RHOBTB2: variants seen among roughly 807,000 people sequenced by gnomAD.
The protein encoded by RHOBTB2 is Rho related BTB domain containing 2, also known as rho-related BTB domain-containing protein 2.
Under a neutral mutation model 66.5 loss-of-function variants are expected in RHOBTB2, and 39 were observed. The ratio of observed to expected loss-of-function variants is 0.59; its 90% CI spans 0.45 to 0.77. The LOEUF is 0.77. Among genes scored for constraint, RHOBTB2 ranks in the 30% least tolerant of loss-of-function variants. The pLI is 0.00. For synonymous variants in RHOBTB2, 390 were observed against 395.0 expected (o/e 0.99, Z 0.15); for missense variants, 755 against 999.1 (o/e 0.76, Z 3.29).
chr8:22,999,176 G>T (rs973768909), upstream of RHOBTB2: 1 of 150,034 alleles, frequency 6.7e-6, no homozygotes, highest in Admixed American at 6.6e-5. Flanking sequence ...GACTGCCCCT[G>T]CCGTCGCCTC....
At chr8:22,994,851 T>C (rs144245862), upstream of RHOBTB2, among the ~76,000 whole-genome samples, 1,174 of 152,302 alleles carry the variant, frequency 7.7e-3, 3 homozygotes, top group Non-Finnish European at 0.014. Context: ...CTGCAACCTC[T>C]GCCTCCCAGG....
Position 23,018,896 on chromosome 8 carries a change from G to C in RHOBTB2, c.*1427G>C, listed in dbSNP as rs1701655055. ...GGAGAATGGAGCAGGAGGAAAAGCA[G>C]AGTTGGTCTAGAGAGGAGGAGGGCG... On this transcript the variant is annotated 3_prime_UTR_variant, in exon 10 of 10. Coordinates refer to ENST00000251822, the MANE Select transcript of RHOBTB2 (RefSeq NM_015178.3). 6.5e-6 allele frequency: 1 copy of C among 153,136 alleles called. No homozygotes were observed. The highest frequency in any genetic ancestry group is 6.5e-5 in the Admixed American group (1 of 15,290). 9.5% of individuals were successfully genotyped at this position (153,136 alleles called of 1,614,324 possible). A position where few individuals can be genotyped will look rare whatever the true frequency, so the allele number is the denominator to read the frequency against.
chr8:22,978,419 G>A, the RHOBTB2 span, among the ~76,000 whole-genome samples: 1 of 150,490 alleles, frequency 6.6e-6, no homozygotes, highest in South Asian at 2.1e-4. Flanking sequence ...CCCGGGAGGT[G>A]GAGCTTGCAG....
the RHOBTB2 span, among the ~76,000 whole-genome samples, chr8:22,970,950 C>T: frequency 0.19 from 28,981 of 152,090 alleles, 4,588 homozygotes; most frequent in African/African-American, 0.44. Context: ...GTAATCATTA[C>T]AAACCTTCTG....
the RHOBTB2 span, among the ~76,000 whole-genome samples, chr8:22,963,221 A>T: frequency 1.6e-4 from 25 of 152,244 alleles, no homozygotes; most frequent in Non-Finnish European, 2.9e-4. Context: ...AAGAGGGGAA[A>T]GGGAGACAAC....
At position 23,004,274 on chromosome 8, in the gene RHOBTB2, T is replaced by A; in HGVS notation, c.-10-151T>A. 1 of 685,524 alleles carries A rather than the reference T, an allele frequency of 1.5e-6. No homozygotes were observed. Among genetic ancestry groups the A allele is most frequent in the Non-Finnish European group, 2.6e-6 (1 of 388,848 alleles). 42.5% of individuals were successfully genotyped at this position (685,524 alleles called of 1,614,324 possible). ...GCCCCTTGGACCCTCGCAGAGCTCT[T>A]GCCCAGAACGTTGCCCACTCCTTCC... is the stretch of plus-strand genomic sequence containing the variant. On this transcript the variant is annotated intron_variant, in intron 1 of 9. Coordinates refer to ENST00000251822, the MANE Select transcript of RHOBTB2 (RefSeq NM_015178.3). This position sits in a 1 kb window ranked among gnomAD's most constrained non-coding sequence, Gnocchi z 6.4.
chr8:22,984,202 A>C (rs1422197941), upstream of RHOBTB2, among the ~76,000 whole-genome samples: 1 of 152,172 alleles, frequency 6.6e-6, no homozygotes, highest in Non-Finnish European at 1.5e-5. Context: ...AGCCAACCTA[A>C]ACAGTATATA....
chr8:22,985,512 G>A (rs752408260), upstream of RHOBTB2, among the ~76,000 whole-genome samples: 2 of 152,170 alleles, frequency 1.3e-5, no homozygotes, highest in Non-Finnish European at 2.9e-5. Flanking sequence ...AGCAGGTCTC[G>A]CTCTGAGCAT....
chr8:22,986,715 A>G (rs1231163647), upstream of RHOBTB2, among the ~76,000 whole-genome samples: 1 of 152,210 alleles, frequency 6.6e-6, no homozygotes, highest in Non-Finnish European at 1.5e-5. Context: ...AAAGGTCCTT[A>G]GCATCCCAAA....
chr8:23,007,812 C>T lies in RHOBTB2; in HGVS notation c.1501+66C>T, dbSNP rs1811019925. The T allele has an allele frequency of 2.5e-6, 4 of 1,570,880 alleles. No homozygotes were observed. In the South Asian group the frequency reaches 3.4e-5, roughly 13 times the overall value. ...TGCTATTAGCATTGCCTGTCTGTCT[C>T]AGCTCCTGGTGTCCTGGAGCTGCGG... On this transcript the variant is annotated intron_variant, in intron 5 of 9. Coordinates refer to ENST00000251822, the MANE Select transcript of RHOBTB2 (RefSeq NM_015178.3).
intron 1 of RHOBTB2, among the ~76,000 whole-genome samples, chr8:23,002,844 GTCTCATTGA>G (rs1468826599): frequency 6.6e-6 from 1 of 152,232 alleles, no homozygotes; most frequent in Non-Finnish European, 1.5e-5. Context: ...GGAGGAGGTT[GTCTCATTGA>G]GAAGTCCTTG....
At chr8:22,975,612 C>A in the RHOBTB2 span, among the ~76,000 whole-genome samples, 1 of 152,186 alleles carries the variant, frequency 6.6e-6, no homozygotes, top group Non-Finnish European at 1.5e-5. Flanking sequence ...GGTGTCAAAC[C>A]TGACGGATGG....
In RHOBTB2 at chr8:23,005,971, T is replaced by G. The variant is rs1810936467; in HGVS notation, c.308T>G (p.Val103Gly). 1 of 1,612,298 alleles carries G rather than the reference T, an allele frequency of 6.2e-7. No homozygotes were observed. Among genetic ancestry groups the G allele is most frequent in the African/African-American group, 1.3e-5 (1 of 74,984 alleles). ...RRFAYGRSDV[V>G]VLCFSIANPN... ...TTTCCCACCCGCAGATCTGATGTGG[T>G]GGTTCTGTGCTTCTCCATTGCCAAC... Residue 103 changes from valine to glycine, a missense_variant, in exon 4 of 10, where the codon GTG becomes GGG. By Grantham distance (109) the Val-to-Gly change is moderately radical. Around this residue, in one of 7 missense-constraint regions of RHOBTB2, gnomAD observed 65 missense variants for 152.4 expected, o/e 0.43. Coordinates refer to ENST00000251822, the MANE Select transcript of RHOBTB2 (RefSeq NM_015178.3).
At chr8:22,958,465 T>G in the RHOBTB2 span, among the ~76,000 whole-genome samples, 1 of 151,960 alleles carries the variant, frequency 6.6e-6, no homozygotes, top group Non-Finnish European at 1.5e-5. Context: ...AAAGCTGGAC[T>G]CTCCAGCATG....
rs1810883556 is a variant in RHOBTB2, at chr8:23,004,399, C to A, written c.-10-26C>A. On this transcript the variant is annotated intron_variant, in intron 1 of 9. Coordinates refer to ENST00000251822, the MANE Select transcript of RHOBTB2 (RefSeq NM_015178.3). This position sits in a 1 kb window ranked among gnomAD's most constrained non-coding sequence, Gnocchi z 6.4. ...CGGCGAGCTGGCATGCCATGCCGTC[C>A]TGACCGCCTCCCTCCTCTCCCTCAG... 1.2e-6 allele frequency: 2 copies of A among 1,606,934 alleles called. No individual in the cohort carries two copies. Among genetic ancestry groups the A allele is most frequent in the Middle Eastern group, 1.7e-4 (1 of 6,056 alleles).
chr8:22,998,631 G>C (rs1810647340), upstream of RHOBTB2, among the ~76,000 whole-genome samples: 1 of 151,062 alleles, frequency 6.6e-6, no homozygotes, highest in Admixed American at 6.6e-5. Flanking sequence ...CTACTCGGGA[G>C]GCTGAGGCAG....
At chr8:22,974,407 T>A in the RHOBTB2 span, among the ~76,000 whole-genome samples, 1 of 152,152 alleles carries the variant, frequency 6.6e-6, no homozygotes, top group Non-Finnish European at 1.5e-5. Flanking sequence ...AAGTGCGGGG[T>A]GCAGGGTGGC....
At chr8:23,013,855 T>G (rs999669524) in intron 7 of RHOBTB2, among the ~76,000 whole-genome samples, 1 of 152,248 alleles carries the variant, frequency 6.6e-6, no homozygotes, top group Non-Finnish European at 1.5e-5. Context: ...TTGATTGGTT[T>G]CAGTTAATTG....
At chr8:22,977,713 G>C in the RHOBTB2 span, among the ~76,000 whole-genome samples, 2 of 152,082 alleles carry the variant, frequency 1.3e-5, no homozygotes, top group Non-Finnish European at 2.9e-5. Flanking sequence ...TGTTAAAAAG[G>C]TATGAATAAG....
Sources: allele counts gnomAD v4.1 joint callset (sites outside exome capture counted in the v4.1 genomes callset), GRCh38; gene constraint gnomAD v4.1.1; regional missense constraint gnomAD v4.1.1; non-coding constraint Gnocchi (gnomAD v3.1); transcripts MANE v1.5; gene names NCBI Gene and HGNC (gene_info 2026-07-23, HGNC 2026-07-21).